NREP: variants seen among roughly 807,000 people sequenced by gnomAD.
NREP encodes the protein neuronal regeneration related protein.
Under a neutral mutation model 8.6 loss-of-function variants are expected in NREP, and 5 were observed. The observed-to-expected ratio is 0.58, with a 90% CI of 0.30 to 1.22. The LOEUF (loss-of-function observed/expected upper bound fraction) is 1.22, where lower values mean the gene tolerates loss of function less well. Ranked by LOEUF, NREP falls within the 50% of genes most tolerant of loss-of-function variation. NREP has a pLI of 0.07. For synonymous variants in NREP, 27 were observed against 28.0 expected, an observed-to-expected ratio of 0.96 and a Z score of 0.11; for missense variants, 86 against 82.5, an observed-to-expected ratio of 1.04 and a Z score of -0.17.
chr5:111,872,889 G>T (rs969652653), intron 2 of NREP, among the ~76,000 whole-genome samples: 2 of 152,134 alleles, frequency 1.3e-5, no homozygotes, highest in East Asian at 1.9e-4. Flanking sequence ...GAACATAAGA[G>T]TAGTACATGA....
chr5:111,970,168 A>G (rs372396356), intron 2 of NREP, among the ~76,000 whole-genome samples: 3 of 152,340 alleles, frequency 2.0e-5, no homozygotes, highest in East Asian at 3.9e-4. Flanking sequence ...AATTAAGTAA[A>G]AGCCTGACAA....
At chr5:111,879,702 CA>C (rs1005870670) in intron 2 of NREP, among the ~76,000 whole-genome samples, 14 of 152,310 alleles carry the variant, frequency 9.2e-5, no homozygotes, top group Admixed American at 7.8e-4. Flanking sequence ...TTTATTTTCT[CA>C]CAGCTCTGGA....
intron 2 of NREP, among the ~76,000 whole-genome samples, chr5:111,951,292 T>C (rs1295017371): frequency 1.3e-5 from 2 of 152,130 alleles, no homozygotes; most frequent in Admixed American, 6.6e-5. Flanking sequence ...CCTAGGTTTC[T>C]ACTTTTTTCT....
At chr5:111,747,218 T>TTGA (rs1750064911) in intron 2 of NREP, among the ~76,000 whole-genome samples, 1 of 152,224 alleles carries the variant, frequency 6.6e-6, no homozygotes, top group Admixed American at 6.5e-5. Context: ...TAGTTTTCCC[T>TTGA]TGATAGTCTG....
chr5:111,766,623 C>G (rs989576949), intron 2 of NREP, among the ~76,000 whole-genome samples: 2 of 152,212 alleles, frequency 1.3e-5, no homozygotes, highest in African/African-American at 4.8e-5. Context: ...CTTGGGTCCT[C>G]TGCTCCCTTT....
intron 1 of NREP, 116 bp from the exon 2 acceptor site, chr5:111,755,946 C>T (rs1750677738): frequency 6.7e-7 from 1 of 1,488,706 alleles, no homozygotes; most frequent in Non-Finnish European, 8.9e-7. Flanking sequence ...AGATAAGTTA[C>T]ATGCAAATTA....
chr5:111,911,666 C>G (rs559800573), intron 2 of NREP, among the ~76,000 whole-genome samples: 16 of 152,058 alleles, frequency 1.1e-4, no homozygotes, highest in Non-Finnish European at 2.1e-4. Flanking sequence ...AAGTGTGCTA[C>G]TATTATTCAG....
At chr5:111,957,240 G>T (rs1313366303) in intron 2 of NREP, among the ~76,000 whole-genome samples, 1 of 151,846 alleles carries the variant, frequency 6.6e-6, no homozygotes, top group African/African-American at 2.4e-5. Flanking sequence ...AGTTATAATT[G>T]TGATTTGATA....
At chr5:111,811,236 C>T (rs1394321081) in intron 2 of NREP, among the ~76,000 whole-genome samples, 1 of 152,134 alleles carries the variant, frequency 6.6e-6, no homozygotes, top group Non-Finnish European at 1.5e-5. Context: ...AAGACCCAGT[C>T]TCTGATGAAT....
At chr5:111,923,032 T>C (rs1364316837) in intron 2 of NREP, among the ~76,000 whole-genome samples, 1 of 152,202 alleles carries the variant, frequency 6.6e-6, no homozygotes, top group African/African-American at 2.4e-5. Context: ...AAAGTGAAGA[T>C]AAAAGCCTAT....
At chr5:111,806,880 T>C (rs1752156145) in intron 2 of NREP, among the ~76,000 whole-genome samples, 1 of 152,034 alleles carries the variant, frequency 6.6e-6, no homozygotes, top group South Asian at 2.1e-4. Flanking sequence ...AGGTTCCTGG[T>C]ATGGGCATTA....
chr5:111,843,427 T>G (rs568187560), intron 2 of NREP, among the ~76,000 whole-genome samples: 2 of 152,128 alleles, frequency 1.3e-5, no homozygotes, highest in East Asian at 3.9e-4. Context: ...TTGTATTTAT[T>G]TGTTTAAATT....
intron 2 of NREP, among the ~76,000 whole-genome samples, chr5:111,773,133 C>CT (rs200546778): frequency 1.3e-3 from 197 of 151,022 alleles, no homozygotes; most frequent in African/African-American, 3.9e-3. Flanking sequence ...TTCTCTGAGC[C>CT]TTTTTTTTTA....
chr5:111,901,835 T>G (rs1481966460), intron 2 of NREP, among the ~76,000 whole-genome samples: 1 of 152,172 alleles, frequency 6.6e-6, no homozygotes, highest in Non-Finnish European at 1.5e-5. Flanking sequence ...CCCATGATCC[T>G]GGATCAGAAG....
At chr5:111,777,873 A>G (rs553388006) in intron 2 of NREP, among the ~76,000 whole-genome samples, 32 of 152,158 alleles carry the variant, frequency 2.1e-4, no homozygotes, top group African/African-American at 7.5e-4. Context: ...ATCTAGTCCA[A>G]TTGTGCTCTG....
intron 2 of NREP, among the ~76,000 whole-genome samples, chr5:111,961,132 C>A (rs1169031211): frequency 6.6e-6 from 1 of 151,946 alleles, no homozygotes; most frequent in African/African-American, 2.4e-5. Flanking sequence ...AAAGAGGTGA[C>A]AAGACTTTTC....
chr5:111,907,378 G>A (rs1410765152), intron 2 of NREP, among the ~76,000 whole-genome samples: 3 of 152,062 alleles, frequency 2.0e-5, no homozygotes, highest in African/African-American at 7.2e-5. Context: ...TAAGGACAAT[G>A]TCTAGATTTA....
intron 2 of NREP, among the ~76,000 whole-genome samples, chr5:111,869,566 G>A (rs1044024560): frequency 6.6e-6 from 1 of 152,092 alleles, no homozygotes; most frequent in African/African-American, 2.4e-5. Context: ...GTGTAATACA[G>A]GTGATGCAGT....
chr5:111,885,936 C>G (rs1302258492), intron 2 of NREP, among the ~76,000 whole-genome samples: 1 of 152,040 alleles, frequency 6.6e-6, no homozygotes. Context: ...TCTAAAACAC[C>G]AAAAGCAATG....
Sources: allele counts gnomAD v4.1 joint callset (sites outside exome capture counted in the v4.1 genomes callset), GRCh38; gene constraint gnomAD v4.1.1; transcripts MANE v1.5; gene names NCBI Gene and HGNC (gene_info 2026-07-23, HGNC 2026-07-21).